FGF1: variants seen among roughly 807,000 people sequenced by gnomAD.
The protein encoded by FGF1 is fibroblast growth factor 1.
In FGF1, 9 loss-of-function variants were observed where a neutral mutation model predicts 13.4. That is an observed-to-expected ratio of 0.67 (90% CI 0.40 to 1.17). The LOEUF (loss-of-function observed/expected upper bound fraction) is 1.17, where lower values mean the gene tolerates loss of function less well. Among genes scored for constraint, FGF1 ranks in the 50% most tolerant of loss-of-function variants. The pLI, the probability that FGF1 is intolerant of heterozygous loss-of-function variation, is 0.01. For synonymous variants in FGF1, 93 were observed against 79.0 expected, an observed-to-expected ratio of 1.18 and a Z score of -0.94; for missense variants, 156 against 192.7, an observed-to-expected ratio of 0.81 and a Z score of 1.13.
intron 1 of FGF1, among the ~76,000 whole-genome samples, chr5:142,665,011 A>C (rs1770026843): frequency 6.6e-6 from 1 of 152,234 alleles, no homozygotes; most frequent in Admixed American, 6.5e-5. Context: ...ATTATTAAAC[A>C]GTAACATTGA....
At chr5:142,638,688 T>C (rs1434557862) in intron 1 of FGF1, among the ~76,000 whole-genome samples, 1 of 151,986 alleles carries the variant, frequency 6.6e-6, no homozygotes, top group Non-Finnish European at 1.5e-5. Context: ...TTCAATGGAA[T>C]TGCATCAAAC....
Position 142,692,708 on chromosome 5 carries a change from G to GAC in FGF1, c.-35+4912_-35+4913dup, listed in dbSNP as rs567647682. ...ACGCACACACACACACACACGCACAGACACACACACACACACAGTTTTACA... is the reference window on the plus strand; with the variant it reads ...ACGCACACACACACACACACGCACAGACACACACACACACACACAGTTTTACA... On this transcript the variant is annotated intron_variant, in intron 2 of 4. Coordinates refer to the FGF1 transcript ENST00000407758. Among the ~76,000 whole-genome samples the GAC allele has an allele frequency of 5.2e-3, 755 of 146,294 alleles. 8 individuals are homozygous for GAC. The highest frequency in any genetic ancestry group is 0.018 in the East Asian group (92 of 5,012).
intron 1 of FGF1, among the ~76,000 whole-genome samples, chr5:142,630,133 C>A (rs543659276): frequency 6.6e-6 from 1 of 152,082 alleles, no homozygotes. Context: ...ATCTCGTGAT[C>A]TGCCCACCTC....
upstream of FGF1, among the ~76,000 whole-genome samples, chr5:142,687,360 T>C (rs1030350132): frequency 1.3e-5 from 2 of 152,176 alleles, no homozygotes; most frequent in African/African-American, 2.4e-5. Flanking sequence ...GGATGAGCCT[T>C]GGAGAAGGAG....
chr5:142,604,145 G>A lies in FGF1; in HGVS notation c.170-3340C>T, dbSNP rs187285138. ...GGGGAATTATGGTTAAAAGGCATGG[G>A]GCTTCTTTTGGAAAATATTCTAAAA... is the stretch of plus-strand genomic sequence containing the variant. On this transcript the variant is annotated intron_variant, in intron 2 of 3. Coordinates refer to ENST00000337706, the MANE Select transcript of FGF1 (RefSeq NM_000800.5). Among the ~76,000 whole-genome samples the A allele has an allele frequency of 1.8e-3, 272 of 152,232 alleles. 1 individual carries two copies. The highest frequency in any genetic ancestry group is 6.2e-3 in the African/African-American group (259 of 41,534).
At chr5:142,616,465 A>C (rs986975048) in intron 1 of FGF1, among the ~76,000 whole-genome samples, 2 of 152,252 alleles carry the variant, frequency 1.3e-5, no homozygotes, top group African/African-American at 4.8e-5. Context: ...AGCAACAGAC[A>C]GAAAATAAAT....
intron 1 of FGF1, among the ~76,000 whole-genome samples, chr5:142,619,910 T>G (rs1761177694): frequency 6.8e-6 from 1 of 146,636 alleles, no homozygotes; most frequent in Non-Finnish European, 1.5e-5. Context: ...AAAAAGAAAA[T>G]AAAGTAAAAA....
rs1436495392 is a variant in FGF1 at position 142,593,357 on chromosome 5, G to A, written c.*1933C>T. ...TTATCCAAGTAACAAAAACAAAAAA[G>A]TTATGAAATTATTTTGCTGCACAAA... On this transcript the variant is annotated 3_prime_UTR_variant, in exon 4 of 4. Transcript: ENST00000337706. The A allele has an allele frequency of 4.6e-5, 7 of 152,100 alleles. No homozygotes were observed. In the East Asian group the frequency reaches 9.6e-4, roughly 21 times the overall value. 9.4% of individuals were successfully genotyped at this position (152,100 alleles called of 1,614,324 possible).
In FGF1 at chr5:142,594,572, G is replaced by A. The variant is rs1187260272; in HGVS notation, c.*718C>T. ...GCTTGTTATCAGGAAACCACTTCTA[G>A]TGCTCTCCACCTGAAGTCACCCAGG... is the stretch of plus-strand genomic sequence containing the variant. On this transcript the variant is annotated 3_prime_UTR_variant, in exon 4 of 4. Transcript: ENST00000337706. 6.6e-6 allele frequency: 1 copy of A among 152,208 alleles called. No homozygotes were observed. The highest frequency in any genetic ancestry group is 1.5e-5 in the Non-Finnish European group (1 of 68,144). 9.4% of individuals were successfully genotyped at this position (152,208 alleles called of 1,614,324 possible).
At chr5:142,656,481 C>A (rs1394476241) in intron 1 of FGF1, among the ~76,000 whole-genome samples, 1 of 152,188 alleles carries the variant, frequency 6.6e-6, no homozygotes, top group Non-Finnish European at 1.5e-5. Flanking sequence ...CCAAGAAGCC[C>A]TTCAAGGAAA....
At chr5:142,637,032 T>C (rs1294448749) in intron 1 of FGF1, among the ~76,000 whole-genome samples, 1 of 151,824 alleles carries the variant, frequency 6.6e-6, no homozygotes, top group Non-Finnish European at 1.5e-5. Context: ...AAGTAAGAGG[T>C]CTTGGGACCT....
At chr5:142,639,734 C>G (rs902248625) in intron 1 of FGF1, among the ~76,000 whole-genome samples, 1 of 151,632 alleles carries the variant, frequency 6.6e-6, no homozygotes, top group African/African-American at 2.4e-5. Context: ...ACCACACACA[C>G]ACAAAACGAT....
intron 1 of FGF1, among the ~76,000 whole-genome samples, chr5:142,664,486 G>A (rs1769914100): frequency 6.6e-6 from 1 of 152,218 alleles, no homozygotes; most frequent in South Asian, 2.1e-4. Flanking sequence ...ATGGTATGGC[G>A]CTTGTAATAT....
intron 1 of FGF1, among the ~76,000 whole-genome samples, chr5:142,684,616 AAAC>A (rs1330910575): frequency 1.3e-5 from 2 of 152,230 alleles, no homozygotes; most frequent in Admixed American, 6.5e-5. Context: ...AACACAAAGA[AAAC>A]AAAGGAAAAG....
chr5:142,661,397 T>A (rs1481782744), intron 1 of FGF1, among the ~76,000 whole-genome samples: 1 of 152,222 alleles, frequency 6.6e-6, no homozygotes, highest in Admixed American at 6.5e-5. Context: ...CTGGTGGGAA[T>A]GTAAAATGGT....
At chr5:142,695,549 T>C (rs905103718) in intron 2 of FGF1, among the ~76,000 whole-genome samples, 1 of 136,364 alleles carries the variant, frequency 7.3e-6, no homozygotes, top group African/African-American at 3.0e-5. Flanking sequence ...ACCATTGCAC[T>C]CCAACCTGGG....
intron 2 of FGF1, among the ~76,000 whole-genome samples, chr5:142,608,626 A>C (rs935871392): frequency 2.8e-5 from 4 of 140,970 alleles, no homozygotes; most frequent in Admixed American, 7.2e-5. Flanking sequence ...GAAAAAAAAA[A>C]CCTTATCTTA....
chr5:142,626,006 C>T (rs1471264754), intron 1 of FGF1, among the ~76,000 whole-genome samples: 1 of 152,178 alleles, frequency 6.6e-6, no homozygotes, highest in Non-Finnish European at 1.5e-5. Context: ...CCATTTGTTA[C>T]TCAATAGCCG....
chr5:142,681,629 A>G (rs1368242714), intron 1 of FGF1, among the ~76,000 whole-genome samples: 3 of 152,140 alleles, frequency 2.0e-5, no homozygotes, highest in East Asian at 1.9e-4. Context: ...CTGAATTCCT[A>G]TCACCAAGCT....
Sources: allele counts gnomAD v4.1 joint callset (sites outside exome capture counted in the v4.1 genomes callset), GRCh38; gene constraint gnomAD v4.1.1; transcripts MANE v1.5; gene names NCBI Gene and HGNC (gene_info 2026-07-23, HGNC 2026-07-21).